Variants in RERE observed in about 807,000 individuals in gnomAD.
The protein encoded by RERE is arginine-glutamic acid dipeptide repeats, also known as arginine-glutamic acid dipeptide repeats protein.
Under a neutral mutation model 146.1 loss-of-function variants are expected in RERE, and 40 were observed. The ratio of observed to expected loss-of-function variants is 0.27; its 90% CI spans 0.21 to 0.36. The LOEUF (loss-of-function observed/expected upper bound fraction) is 0.36. RERE is among the 10% of genes least tolerant of loss of function. RERE has a pLI of 1.00. For missense variants in RERE, 1,933 were observed against 2,138.7 expected, an observed-to-expected ratio of 0.90 and a Z score of 1.90; for synonymous variants, 1,003 against 866.0, an observed-to-expected ratio of 1.16 and a Z score of -2.78.
chr1:8,508,705 G>C (rs774337277), intron 7 of RERE, 30 bp from the exon 8 acceptor site: 1 of 1,566,680 alleles, frequency 6.4e-7, no homozygotes, highest in South Asian at 1.2e-5. Flanking sequence ...GATTAAGTTA[G>C]CGCAATACAG....
At chr1:8,507,111 G>A (rs868745041) in intron 8 of RERE, among the ~76,000 whole-genome samples, 3 of 152,116 alleles carry the variant, frequency 2.0e-5, no homozygotes, top group African/African-American at 7.2e-5. Flanking sequence ...CTGATACTGA[G>A]ATCAAAACAG....
chr1:8,798,535 C>A, intron 1 of RERE: 1 of 215,166 alleles, frequency 4.6e-6, no homozygotes. Flanking sequence ...CCAGATGCTA[C>A]TCAGGAAGCA....
chr1:8,400,146 TTAAG>T (rs753953188), intron 12 of RERE, among the ~76,000 whole-genome samples: 54 of 152,188 alleles, frequency 3.5e-4, no homozygotes, highest in South Asian at 1.5e-3. Context: ...GCTCCACTAA[TTAAG>T]TGTCTACATT....
intron 1 of RERE, among the ~76,000 whole-genome samples, chr1:8,761,305 T>C (rs931088358): frequency 2.0e-5 from 3 of 152,170 alleles, no homozygotes; most frequent in African/African-American, 7.2e-5. Flanking sequence ...ACCTCGGGGC[T>C]TCAACTACCC....
chr1:8,385,228 G>C (rs975422476), intron 12 of RERE, among the ~76,000 whole-genome samples: 7 of 152,070 alleles, frequency 4.6e-5, no homozygotes, highest in Admixed American at 6.5e-5. Context: ...CATATAAATG[G>C]GCAATTGAAT....
At chr1:8,506,938 G>A (rs1645257252) in intron 8 of RERE, among the ~76,000 whole-genome samples, 1 of 152,188 alleles carries the variant, frequency 6.6e-6, no homozygotes, top group Non-Finnish European at 1.5e-5. Context: ...GTGTATCTTA[G>A]AATTAGTCAA....
intron 1 of RERE, among the ~76,000 whole-genome samples, chr1:8,783,625 G>A (rs1641206686): frequency 6.6e-6 from 1 of 152,080 alleles, no homozygotes; most frequent in Non-Finnish European, 1.5e-5. Context: ...GGCAACCTAA[G>A]GAGAGCTGTC....
intron 1 of RERE, among the ~76,000 whole-genome samples, chr1:8,752,529 CATCTTA>C (rs1185335550): frequency 1.3e-5 from 2 of 152,092 alleles, no homozygotes; most frequent in East Asian, 3.8e-4. Context: ...GTTTAAGTTT[CATCTTA>C]ATCTTTATCT....
At chr1:8,755,074 T>C (rs1346277290) in intron 1 of RERE, among the ~76,000 whole-genome samples, 3 of 152,238 alleles carry the variant, frequency 2.0e-5, no homozygotes, top group Admixed American at 2.0e-4. Context: ...TCCAATTCAA[T>C]ACAAAGGCTC....
rs1420955802 is a variant in RERE at position 8,375,129 on chromosome 1, C to T, written c.1285-9155G>A. Reference sequence around the variant, plus strand: ...GTACGTGCTATCTCATCTGTGAGTACCCCACAGGTCTAAGACAACATCTTG... The same window carrying T: ...GTACGTGCTATCTCATCTGTGAGTATCCCACAGGTCTAAGACAACATCTTG... On this transcript the variant is annotated intron_variant, in intron 12 of 22. Coordinates refer to ENST00000400908, the MANE Select transcript of RERE (RefSeq NM_001042681.2). Among the ~76,000 whole-genome samples, 3 of 152,172 alleles carry T rather than the reference C, an allele frequency of 2.0e-5. No individual in the cohort carries two copies. In the East Asian group the frequency reaches 5.8e-4, roughly 29 times the overall value.
intron 10 of RERE, among the ~76,000 whole-genome samples, chr1:8,480,128 G>GTTTTTTTTTTTTTTTTTTTT (rs112068785): frequency 7.4e-6 from 1 of 135,224 alleles, no homozygotes. Context: ...GCCTTTTTTT[G>GTTTTTTTTTTTTTTTTTTTT]TTTTTTTTTT....
chr1:8,670,455 G>C lies in RERE; in HGVS notation c.-144-14014C>G, dbSNP rs144087441. On this transcript the variant is annotated intron_variant, in intron 1 of 22. Coordinates refer to ENST00000400908, the MANE Select transcript of RERE (RefSeq NM_001042681.2). The stretch of plus-strand genomic sequence containing the variant: ...ACCTCAGAGAGATTACAATCTAGTG[G>C]GGGAGAGAGCAGACAATAAACAAAC... 2.5e-3 allele frequency among the ~76,000 whole-genome samples: 382 copies of C among 152,258 alleles called. 1 individual carries two copies. Among genetic ancestry groups the C allele is most frequent in the African/African-American group, 8.4e-3 (347 of 41,530 alleles).
chr1:8,781,076 G>A (rs778888672), intron 1 of RERE, among the ~76,000 whole-genome samples: 51 of 151,498 alleles, frequency 3.4e-4, no homozygotes, highest in Non-Finnish European at 5.3e-4. Context: ...AAAAATTCTC[G>A]GCCAGGCACG....
rs570924863 is a variant in RERE, at chr1:8,624,225, G to A, written c.396+85C>T. The A allele has an allele frequency of 4.7e-5, 51 of 1,083,224 alleles. No homozygotes were observed. The African/African-American group carries it at 7.8e-4, about 16-fold the overall frequency. The allele number at this position is 1,083,224 out of a possible 1,614,324, so 67.1% of individuals were successfully genotyped here. A position where few individuals can be genotyped will look rare whatever the true frequency, so the allele number is the denominator to read the frequency against. ...GTGAACTGGTAACCACGTCAACAGC[G>A]ATGGAGGAACAATAAGAGATAGCCA... is the stretch of plus-strand genomic sequence containing the variant. On this transcript the variant is annotated intron_variant, in intron 3 of 22. Transcript: ENST00000400908.
At chr1:8,752,870 CAA>C (rs1406847471) in intron 1 of RERE, among the ~76,000 whole-genome samples, 1 of 151,932 alleles carries the variant, frequency 6.6e-6, no homozygotes, top group East Asian at 1.9e-4. Flanking sequence ...ATATTTTAAT[CAA>C]AGTTCTATTT....
In RERE at chr1:8,708,817, A is replaced by C. The variant is rs189487529; in HGVS notation, c.-144-52376T>G. Among the ~76,000 whole-genome samples, 16 of 151,880 alleles carry C rather than the reference A, an allele frequency of 1.1e-4. No individual in the cohort carries two copies. The East Asian group carries it at 2.9e-3, about 28-fold the overall frequency. ...TTATCAGCAGCATGAAAATATACTA[A>C]TACATGGAGTTACAATTTTAAGCAA... On this transcript the variant is annotated intron_variant, in intron 1 of 22. Transcript: ENST00000400908.
At chr1:8,401,935 G>A (rs963927203) in intron 12 of RERE, among the ~76,000 whole-genome samples, 2 of 151,826 alleles carry the variant, frequency 1.3e-5, no homozygotes, top group Admixed American at 6.6e-5. Flanking sequence ...GCATGATCTC[G>A]GCTCACTGCA....
intron 1 of RERE, among the ~76,000 whole-genome samples, chr1:8,768,593 A>T (rs1640889694): frequency 6.6e-6 from 1 of 152,208 alleles, no homozygotes; most frequent in Admixed American, 6.5e-5. Flanking sequence ...AGTTAATTTA[A>T]ATAGTCATAT....
At chr1:8,666,307 C>T (rs557813360) in intron 1 of RERE, among the ~76,000 whole-genome samples, 1 of 152,298 alleles carries the variant, frequency 6.6e-6, no homozygotes, top group Non-Finnish European at 1.5e-5. Context: ...AGTACTTTTG[C>T]CTGTGCCATT....
Sources: allele counts gnomAD v4.1 joint callset (sites outside exome capture counted in the v4.1 genomes callset), GRCh38; gene constraint gnomAD v4.1.1; transcripts MANE v1.5; gene names NCBI Gene and HGNC (gene_info 2026-07-23, HGNC 2026-07-21).